GNA14: variants seen among roughly 807,000 people sequenced by gnomAD.
GNA14 encodes the protein G protein subunit alpha 14.
GNA14 carries 50 observed loss-of-function variants against 42.0 expected under a neutral mutation model. The ratio of observed to expected loss-of-function variants is 1.19; its 90% CI spans 0.95 to 1.51. GNA14 has a LOEUF of 1.51. GNA14 is among the 40% of genes most tolerant of loss of function. The probability of loss-of-function intolerance (pLI) is 0.00; values close to 1 mark genes in which losing one functional copy is unlikely to be tolerated. For synonymous variants in GNA14, 173 were observed against 163.1 expected (o/e 1.06, Z -0.46); for missense variants, 473 against 446.2 (o/e 1.06, Z -0.54).
rs753944394 is a variant in GNA14 at position 77,424,068 on chromosome 9, C to T, written c.979G>A (p.Ala327Thr). The T allele has an allele frequency of 1.6e-5, 25 of 1,612,100 alleles. No individual in the cohort carries two copies. The highest frequency in any genetic ancestry group is 1.6e-4 in the Middle Eastern group (1 of 6,080). ...EKVIYSHFTC[A>T]TDTDNIRFVF... ...AAGCGAATATTGTCTGTATCTGTAG[C>T]ACATGTGAAGTGAGAGTAGATGACT... is the stretch of plus-strand genomic sequence containing the variant. Residue 327 changes from alanine (A) to threonine (T), a missense_variant, in exon 7 of 7, where the codon GCT (alanine) becomes ACT (threonine). Physicochemically the swap from Ala to Thr is moderately conservative, Grantham distance 58. Coordinates refer to ENST00000341700, the MANE Select transcript of GNA14 (RefSeq NM_004297.4).
intron 1 of GNA14, among the ~76,000 whole-genome samples, chr9:77,587,196 G>C (rs1823319957): frequency 6.6e-6 from 1 of 152,064 alleles, no homozygotes; most frequent in Admixed American, 6.6e-5. Context: ...CCAGTTATTT[G>C]GTGGGAATGT....
intron 1 of GNA14, among the ~76,000 whole-genome samples, chr9:77,599,562 T>G (rs1564063203): frequency 6.6e-6 from 1 of 152,158 alleles, no homozygotes; most frequent in Non-Finnish European, 1.5e-5. Flanking sequence ...AGTAAACAAT[T>G]TGATAGTCAT....
At chr9:77,582,259 C>T (rs950080254) in intron 1 of GNA14, among the ~76,000 whole-genome samples, 1 of 152,202 alleles carries the variant, frequency 6.6e-6, no homozygotes. Context: ...GTTTGTGCTG[C>T]TACTCAGTTA....
At chr9:77,510,175 T>G (rs1248919548) in intron 2 of GNA14, among the ~76,000 whole-genome samples, 1 of 152,142 alleles carries the variant, frequency 6.6e-6, no homozygotes, top group Admixed American at 6.5e-5. Context: ...TTTCTCTCTA[T>G]TGATTTGCCT....
At chr9:77,431,226 A>G (rs889307628) in intron 4 of GNA14, 95 bp downstream of exon 4, 5 of 1,185,618 alleles carry the variant, frequency 4.2e-6, no homozygotes, top group Non-Finnish European at 6.1e-6. Context: ...CCTAAGAGAT[A>G]TAATCCCTGC....
chr9:77,629,716 C>T (rs1327238815), intron 1 of GNA14, among the ~76,000 whole-genome samples: 1 of 152,078 alleles, frequency 6.6e-6, no homozygotes, highest in Non-Finnish European at 1.5e-5. Flanking sequence ...ACATCACATA[C>T]CGGGTTCTGT....
chr9:77,446,073 C>G (rs1431804180), intron 2 of GNA14, among the ~76,000 whole-genome samples: 1 of 152,184 alleles, frequency 6.6e-6, no homozygotes, highest in Non-Finnish European at 1.5e-5. Flanking sequence ...GGGGACTCTG[C>G]AGGGAAAGGC....
chr9:77,524,443 GA>G (rs1263214181), intron 2 of GNA14, among the ~76,000 whole-genome samples: 1 of 152,026 alleles, frequency 6.6e-6, no homozygotes, highest in African/African-American at 2.4e-5. Flanking sequence ...GAAAGAAACA[GA>G]AACAAACAGA....
intron 2 of GNA14, among the ~76,000 whole-genome samples, chr9:77,446,449 G>C (rs1019110349): frequency 1.3e-5 from 2 of 152,316 alleles, no homozygotes; most frequent in South Asian, 4.1e-4. Flanking sequence ...TCCTGGGCTC[G>C]CGAGTCATGC....
At chr9:77,490,905 G>A (rs1429846228) in intron 2 of GNA14, among the ~76,000 whole-genome samples, 3 of 152,218 alleles carry the variant, frequency 2.0e-5, no homozygotes, top group African/African-American at 4.8e-5. Context: ...CGCCGAGAGC[G>A]AGCAAGGGCT....
At chr9:77,600,525 T>C (rs1823540606) in intron 1 of GNA14, among the ~76,000 whole-genome samples, 1 of 152,154 alleles carries the variant, frequency 6.6e-6, no homozygotes, top group African/African-American at 2.4e-5. Context: ...CTCTAATGTG[T>C]GTCACATGGC....
At chr9:77,614,041 A>G (rs1410133343) in intron 1 of GNA14, among the ~76,000 whole-genome samples, 1 of 152,252 alleles carries the variant, frequency 6.6e-6, no homozygotes, top group Non-Finnish European at 1.5e-5. Flanking sequence ...TGTTGCAGTA[A>G]CAAATAATTC....
At chr9:77,481,228 C>A (rs1382293636) in intron 2 of GNA14, among the ~76,000 whole-genome samples, 1 of 152,136 alleles carries the variant, frequency 6.6e-6, no homozygotes, top group Non-Finnish European at 1.5e-5. Flanking sequence ...GAATGTGTCC[C>A]AGAGATTCTG....
In GNA14 at chr9:77,558,115, G is replaced by A. The variant is rs903076362; in HGVS notation, c.125-28862C>T. ...AAAAATAATTCTTAAGACAATAGAG[G>A]ATATTTAAATATAGATCAGAAAATA... On this transcript the variant is annotated intron_variant, in intron 1 of 6. Transcript: ENST00000341700. Among the ~76,000 whole-genome samples the A allele has an allele frequency of 6.6e-5, 10 of 152,236 alleles. No homozygotes were observed. In the East Asian group the frequency reaches 1.2e-3, roughly 18 times the overall value.
At chr9:77,549,150 G>A (rs538560490) in intron 1 of GNA14, among the ~76,000 whole-genome samples, 1 of 152,244 alleles carries the variant, frequency 6.6e-6, no homozygotes, top group African/African-American at 2.4e-5. Flanking sequence ...GGCCAGGATG[G>A]TCTTGATCTC....
intron 4 of GNA14, among the ~76,000 whole-genome samples, chr9:77,430,654 GA>G (rs1835532798): frequency 6.6e-6 from 1 of 152,208 alleles, no homozygotes. Context: ...GTCTCAACTA[GA>G]AAATCGTGTG....
chr9:77,552,868 C>T (rs747478082), intron 1 of GNA14, among the ~76,000 whole-genome samples: 9 of 152,144 alleles, frequency 5.9e-5, no homozygotes, highest in Non-Finnish European at 8.8e-5. Context: ...ATTTTCCATC[C>T]AGCGTTAAGC....
At chr9:77,507,155 ATTTCAACATGCCT>A (rs1837085213) in intron 2 of GNA14, among the ~76,000 whole-genome samples, 1 of 152,228 alleles carries the variant, frequency 6.6e-6, no homozygotes, top group South Asian at 2.1e-4. Context: ...TAGGACACTA[ATTTCAACATGCCT>A]TTGCCTCCAT....
intron 1 of GNA14, among the ~76,000 whole-genome samples, chr9:77,545,115 T>TCA (rs1234887581): frequency 2.0e-5 from 3 of 152,160 alleles, no homozygotes; most frequent in African/African-American, 7.2e-5. Context: ...TCCTTAAGCC[T>TCA]CAATAAGGCA....
Sources: gnomAD v4.1 joint callset for allele counts (sites outside exome capture counted in the v4.1 genomes callset) on GRCh38, gnomAD v4.1.1 for gene constraint, MANE v1.5 for transcripts, NCBI Gene and HGNC (gene_info 2026-07-23, HGNC 2026-07-21) for gene names.